WIPF3: variants seen among roughly 807,000 people sequenced by gnomAD.
WIPF3 encodes the protein WAS/WASL interacting protein family member 3.
In WIPF3, 33 loss-of-function variants were observed where a neutral mutation model predicts 38.9. The observed-to-expected ratio is 0.85, with a 90% CI of 0.64 to 1.14. The LOEUF is 1.14. Ranked by LOEUF, WIPF3 falls within the 50% of genes most tolerant of loss-of-function variation. The pLI is 0.00. For missense variants in WIPF3, 711 were observed against 652.5 expected (o/e 1.09, Z -0.98); for synonymous variants, 324 against 269.3 (o/e 1.20, Z -1.99).
At chr7:29,852,916 G>A (rs1324805875) in intron 2 of WIPF3, among the ~76,000 whole-genome samples, 1 of 152,194 alleles carries the variant, frequency 6.6e-6, no homozygotes, top group Non-Finnish European at 1.5e-5. Flanking sequence ...ACATTTTGCT[G>A]TCAGCAGTGT....
chr7:29,818,320 G>C lies in WIPF3; in HGVS notation c.-58+11642G>C, dbSNP rs566937588. Among the ~76,000 whole-genome samples, 14 of 152,054 alleles carry C rather than the reference G, an allele frequency of 9.2e-5. No individual in the cohort carries two copies. In the South Asian group the frequency reaches 2.9e-3, roughly 32 times the overall value. ...TATACAAAAATTAACTGGGGTGGTGGCACATGCCTGTAGTACCAGCTACTC... is the reference window on the plus strand; with the variant it reads ...TATACAAAAATTAACTGGGGTGGTGCCACATGCCTGTAGTACCAGCTACTC... On this transcript the variant is annotated intron_variant, in intron 1 of 8. Coordinates refer to ENST00000242140, the MANE Select transcript of WIPF3 (RefSeq NM_001080529.3).
chr7:29,867,012 A>T (rs80168047), intron 2 of WIPF3, among the ~76,000 whole-genome samples: 2,237 of 152,366 alleles, frequency 0.015, 21 homozygotes, highest in Admixed American at 0.026. Flanking sequence ...CATAATACTC[A>T]TAACTAGCAC....
intron 1 of WIPF3, among the ~76,000 whole-genome samples, chr7:29,831,918 C>A (rs1293184371): frequency 6.6e-6 from 1 of 152,224 alleles, no homozygotes; most frequent in East Asian, 1.9e-4. Flanking sequence ...GAGATGCAGT[C>A]TAGCCATGTG....
intron 5 of WIPF3, among the ~76,000 whole-genome samples, chr7:29,886,437 A>T (rs1221703641): frequency 2.2e-5 from 3 of 136,802 alleles, no homozygotes; most frequent in East Asian, 2.3e-4. Context: ...GCTCACTGCA[A>T]CCTTCGCCTC....
chr7:29,851,127 G>A (rs914951688), intron 2 of WIPF3, among the ~76,000 whole-genome samples: 2 of 152,062 alleles, frequency 1.3e-5, no homozygotes, highest in African/African-American at 2.4e-5. Flanking sequence ...CTCCTGTGTC[G>A]TATTATGCTC....
intron 1 of WIPF3, among the ~76,000 whole-genome samples, chr7:29,816,267 C>T (rs1318106122): frequency 6.6e-6 from 1 of 152,112 alleles, no homozygotes; most frequent in Non-Finnish European, 1.5e-5. Context: ...CCTAGTTATG[C>T]ATTCTTCCAG....
intron 7 of WIPF3, among the ~76,000 whole-genome samples, chr7:29,900,647 G>C (rs1423783996): frequency 6.6e-6 from 1 of 152,218 alleles, no homozygotes; most frequent in African/African-American, 2.4e-5. Flanking sequence ...AATCACACTT[G>C]TCATTTCCTT....
At position 29,883,983 on chromosome 7, in the gene WIPF3, G is replaced by A; in HGVS notation, c.489G>A (p.Arg163=). ...CCTCCGAGGCGCATGGCGCTGCCAGGACAGCCCCGCCTCGCCCCAACGTGC... is the reference window on the plus strand; with the variant it reads ...CCTCCGAGGCGCATGGCGCTGCCAGAACAGCCCCGCCTCGCCCCAACGTGC... ...GNTSEAHGAA[R]TAPPRPNVPA... The change falls in exon 5 of 9, where the codon AGG becomes AGA. Residue 163 remains arginine (R), a synonymous_variant. Coordinates refer to ENST00000242140, the MANE Select transcript of WIPF3 (RefSeq NM_001080529.3). 6.5e-7 allele frequency: 1 copy of A among 1,537,138 alleles called. No individual in the cohort carries two copies. The highest frequency in any genetic ancestry group is 8.8e-7 in the Non-Finnish European group (1 of 1,139,986).
intron 2 of WIPF3, among the ~76,000 whole-genome samples, chr7:29,837,749 G>T (rs1784831942): frequency 6.6e-6 from 1 of 152,140 alleles, no homozygotes; most frequent in African/African-American, 2.4e-5. Flanking sequence ...AGCTCTTACA[G>T]ATTACTATGG....
At chr7:29,841,579 G>A (rs1470849517) in intron 2 of WIPF3, among the ~76,000 whole-genome samples, 1 of 152,196 alleles carries the variant, frequency 6.6e-6, no homozygotes, top group African/African-American at 2.4e-5. Flanking sequence ...GGGAGGCCAA[G>A]GCAGGTGGAT....
At chr7:29,819,031 A>T (rs6956522) in intron 1 of WIPF3, among the ~76,000 whole-genome samples, 2 of 152,028 alleles carry the variant, frequency 1.3e-5, no homozygotes, top group Non-Finnish European at 2.9e-5. Context: ...TTCTTCCTCC[A>T]TATTCATAAA....
At chr7:29,912,169 G>A (rs1293205507) in intron 8 of WIPF3, among the ~76,000 whole-genome samples, 2 of 152,106 alleles carry the variant, frequency 1.3e-5, no homozygotes, top group Non-Finnish European at 2.9e-5. Context: ...ATGAGCATAG[G>A]AAAAGTTGCT....
intron 8 of WIPF3, among the ~76,000 whole-genome samples, chr7:29,907,011 A>G (rs890695432): frequency 6.6e-6 from 1 of 152,234 alleles, no homozygotes; most frequent in Non-Finnish European, 1.5e-5. Context: ...CTGCCCTGCA[A>G]GAATACCCAA....
At position 29,823,270 on chromosome 7, in the gene WIPF3, A is replaced by AT. The variant is rs899562724; in HGVS notation, c.-57-11388dup. ...TGTAAGCTTTGAGAACCCAACATTC[A>AT]TTTTTTTTTTAGATGGAGTGTCACT... is the stretch of plus-strand genomic sequence containing the variant. On this transcript the variant is annotated intron_variant, in intron 1 of 8. Coordinates refer to ENST00000242140, the MANE Select transcript of WIPF3 (RefSeq NM_001080529.3). This position sits in a 1 kb window ranked among gnomAD's most constrained non-coding sequence, Gnocchi z 4.0. Among the ~76,000 whole-genome samples, 15 of 148,342 alleles carry AT rather than the reference A, an allele frequency of 1.0e-4. No homozygotes were observed. The highest frequency in any genetic ancestry group is 2.1e-4 in the South Asian group (1 of 4,656).
chr7:29,883,956 T>A lies in WIPF3; in HGVS notation c.462T>A (p.Asn154Lys). 1.9e-6 allele frequency: 3 copies of A among 1,559,828 alleles called. No homozygotes were observed. The highest frequency in any genetic ancestry group is 2.6e-6 in the Non-Finnish European group (3 of 1,152,474). Residue 154 changes from asparagine (N) to lysine (K), a missense_variant, in exon 5 of 9, where the codon AAT (asparagine) becomes AAA (lysine). Asn to Lys is a moderately conservative substitution (Grantham distance 94, BLOSUM62 0). Coordinates refer to ENST00000242140, the MANE Select transcript of WIPF3 (RefSeq NM_001080529.3). Reference protein sequence around the residue: ...LIPPASPRLGNTSEAHGAART... With the variant: ...LIPPASPRLGKTSEAHGAART... ...CGCCTGCCTCTCCCAGGCTAGGCAA[T>A]ACCTCCGAGGCGCATGGCGCTGCCA... is the stretch of plus-strand genomic sequence containing the variant.
chr7:29,884,264 T>TGGCCCCCCCCCC lies in WIPF3; in HGVS notation c.770_771insGGCCCCCCCCCC (p.Leu257_Pro258insAlaProProPro). On this transcript the variant is annotated inframe_insertion, in exon 5 of 9. Coordinates refer to ENST00000242140, the MANE Select transcript of WIPF3 (RefSeq NM_001080529.3). ...AAGCCTCAGCTGGCTCCCTTGCACC[T>TGGCCCCCCCCCC]CCCGCCCATCCCGCCCCCGCTCCCT... The TGGCCCCCCCCCC allele has an allele frequency of 3.8e-6, 5 of 1,315,274 alleles. No individual in the cohort carries two copies. Among genetic ancestry groups the TGGCCCCCCCCCC allele is most frequent in the Non-Finnish European group, 5.0e-6 (5 of 992,698 alleles). The allele number at this position is 1,315,274 out of a possible 1,614,324, so 81.5% of individuals were successfully genotyped here.
chr7:29,846,173 C>A (rs551631985), intron 2 of WIPF3, among the ~76,000 whole-genome samples: 9 of 152,284 alleles, frequency 5.9e-5, no homozygotes, highest in African/African-American at 2.2e-4. Context: ...CATAAAGTAT[C>A]TTTTGGCACA....
chr7:29,828,741 G>A (rs1342255132), intron 1 of WIPF3, among the ~76,000 whole-genome samples: 1 of 152,112 alleles, frequency 6.6e-6, no homozygotes, highest in Non-Finnish European at 1.5e-5. Context: ...GCCCACCTCT[G>A]AGTGGGTGGT....
At chr7:29,913,890 C>T (rs1276060139) in intron 8 of WIPF3, among the ~76,000 whole-genome samples, 1 of 152,204 alleles carries the variant, frequency 6.6e-6, no homozygotes, top group Non-Finnish European at 1.5e-5. Context: ...CCCAGATCAC[C>T]TGAGTCTGGT....
Sources: allele counts gnomAD v4.1 joint callset (sites outside exome capture counted in the v4.1 genomes callset), GRCh38; gene constraint gnomAD v4.1.1; non-coding constraint Gnocchi (gnomAD v3.1); transcripts MANE v1.5; gene names NCBI Gene and HGNC (gene_info 2026-07-23, HGNC 2026-07-21).